AKAP9: variants seen among roughly 807,000 people sequenced by gnomAD.
AKAP9 encodes A-kinase anchoring protein 9.
AKAP9 carries 311 observed loss-of-function variants against 488.5 expected under a neutral mutation model. The observed-to-expected ratio is 0.64, with a 90% CI of 0.58 to 0.70. The LOEUF (loss-of-function observed/expected upper bound fraction) is 0.70. AKAP9 is among the 30% of genes least tolerant of loss of function. The pLI is 0.00. For missense variants in AKAP9, 4,215 were observed against 4,374.5 expected (o/e 0.96, Z 1.03); for synonymous variants, 1,462 against 1,483.5 (o/e 0.99, Z 0.33).
At chr7:92,008,400 A>G (rs987868820) in intron 8 of AKAP9, among the ~76,000 whole-genome samples, 1 of 151,432 alleles carries the variant, frequency 6.6e-6, no homozygotes, top group African/African-American at 2.4e-5. Context: ...TTTCAAGAAT[A>G]TGGGCCAGCG....
intron 22 of AKAP9, 21 bp downstream of exon 22, chr7:92,052,979 A>G (rs1439168191): frequency 1.3e-6 from 2 of 1,563,188 alleles, no homozygotes; most frequent in Non-Finnish European, 1.8e-6. Flanking sequence ...TATATTGCTA[A>G]TATGTACTGA....
At chr7:91,994,869 G>T (rs780903536) in intron 6 of AKAP9, 93 bp downstream of exon 6, 41 of 1,234,134 alleles carry the variant, frequency 3.3e-5, no homozygotes, top group Non-Finnish European at 4.5e-5. Flanking sequence ...TGTTAAAAAA[G>T]CCATTTCGTA....
chr7:92,077,014 A>T lies in AKAP9; in HGVS notation c.6765+7A>T. On this transcript the variant is annotated splice_region_variant and intron_variant, in intron 29 of 49. Transcript: ENST00000356239. ...GGAAAACAAATTATTTAAGGTAATTAGTTAAGAAAAACTTTTATCTGTAAA... is the reference window on the plus strand; with the variant it reads ...GGAAAACAAATTATTTAAGGTAATTTGTTAAGAAAAACTTTTATCTGTAAA... 1 of 1,524,378 alleles carries T rather than the reference A, an allele frequency of 6.6e-7. No homozygotes were observed. Among genetic ancestry groups the T allele is most frequent in the Non-Finnish European group, 8.9e-7 (1 of 1,124,414 alleles). The allele number at this position is 1,524,378 out of a possible 1,614,324, so 94.4% of individuals were successfully genotyped here.
intron 7 of AKAP9, among the ~76,000 whole-genome samples, chr7:92,000,536 A>C (rs1014772194): frequency 6.6e-6 from 1 of 152,234 alleles, no homozygotes; most frequent in Non-Finnish European, 1.5e-5. Context: ...AAGAAAAATG[A>C]AAATGTAACA....
intron 22 of AKAP9, chr7:92,057,530 A>G (rs1808999391): frequency 5.6e-6 from 1 of 179,706 alleles, no homozygotes; most frequent in Non-Finnish European, 1.2e-5. Flanking sequence ...ATTAAACCAC[A>G]CCCTCTGTTC....
rs1186742224 is a variant in AKAP9 at position 92,097,715 on chromosome 7, C to T, written c.10528C>T (p.His3510Tyr). The change falls in exon 42 of 50, where the codon CAT becomes TAT. Residue 3510 changes from histidine (H) to tyrosine (Y), a missense_variant. Coordinates refer to ENST00000356239, the MANE Select transcript of AKAP9 (RefSeq NM_005751.5). The part of the protein sequence containing the change: ...EMNGGGTGCN[H>Y]ELEMIRQKLQ... ...GAATGGAGGAGGAACCGGCTGTAAT[C>T]ATGAATTAGAAATGATCAGACAAAA... The T allele has an allele frequency of 1.2e-6, 2 of 1,614,006 alleles. No homozygotes were observed. Among genetic ancestry groups the T allele is most frequent in the Admixed American group, 1.7e-5 (1 of 59,994 alleles).
rs151197146 is a variant in AKAP9, at chr7:92,031,559, G to A, written c.4293G>A (p.Leu1431=). Residue 1431 remains leucine (L), a synonymous_variant, in exon 16 of 50, where the codon TTG becomes TTA. Transcript: ENST00000356239. ...AAGAGGAAACAAATATCGTTAAGTTGCTTGAAAAACAATACCAAGAACAAT... is the reference window on the plus strand; with the variant it reads ...AAGAGGAAACAAATATCGTTAAGTTACTTGAAAAACAATACCAAGAACAAT... ...GVKEETNIVK[L]LEKQYQEQLE... is the part of the protein sequence containing the mutation. 1.1e-4 allele frequency: 170 copies of A among 1,612,632 alleles called. 1 individual carries two copies. Among genetic ancestry groups the A allele is most frequent in the Non-Finnish European group, 1.3e-4 (158 of 1,179,232 alleles).
chr7:92,028,390 CAGG>C lies in AKAP9; in HGVS notation c.4149-1500_4149-1498del, dbSNP rs539230246. The stretch of plus-strand genomic sequence containing the variant: ...AGATCATAATGACCGGATAGATAAT[CAGG>C]AGGATTTTCTAGGCTGTGAAAGTAA... On this transcript the variant is annotated intron_variant, in intron 14 of 49. Coordinates refer to ENST00000356239, the MANE Select transcript of AKAP9 (RefSeq NM_005751.5). 2.1e-4 allele frequency among the ~76,000 whole-genome samples: 30 copies of C among 145,168 alleles called. No individual in the cohort carries two copies. In the South Asian group the frequency reaches 4.7e-3, roughly 23 times the overall value.
chr7:92,093,771 C>T, intron 39 of AKAP9, among the ~76,000 whole-genome samples: 1 of 152,128 alleles, frequency 6.6e-6, no homozygotes. Context: ...GCTTCACACA[C>T]AAATAGATAT....
intron 21 of AKAP9, among the ~76,000 whole-genome samples, chr7:92,049,873 C>T (rs1334629065): frequency 6.6e-6 from 1 of 152,128 alleles, no homozygotes; most frequent in African/African-American, 2.4e-5. Context: ...TTATAAGTCA[C>T]TTTCACGCAC....
chr7:92,104,783 CT>C (rs1350804909), intron 46 of AKAP9, among the ~76,000 whole-genome samples: 2 of 152,124 alleles, frequency 1.3e-5, no homozygotes, highest in Non-Finnish European at 2.9e-5. Context: ...CCTTCATCAC[CT>C]TGTATAGAGT....
chr7:92,056,909 C>G (rs1455021831), intron 22 of AKAP9, among the ~76,000 whole-genome samples: 1 of 151,716 alleles, frequency 6.6e-6, no homozygotes, highest in Non-Finnish European at 1.5e-5. Flanking sequence ...GGGTTTTTTC[C>G]TTTCTTTAAA....
chr7:91,950,227 CTTT>C (rs1363169233), intron 1 of AKAP9, among the ~76,000 whole-genome samples: 1 of 133,372 alleles, frequency 7.5e-6, no homozygotes, highest in Admixed American at 7.6e-5. Context: ...CAGGGTCTCA[CTTT>C]TTTTTTTTTT....
intron 47 of AKAP9, among the ~76,000 whole-genome samples, chr7:92,106,178 A>G (rs983651856): frequency 1.3e-5 from 2 of 152,256 alleles, no homozygotes; most frequent in Non-Finnish European, 2.9e-5. Flanking sequence ...CTTACCAAGT[A>G]ATGAATTCTG....
intron 3 of AKAP9, among the ~76,000 whole-genome samples, chr7:91,983,244 C>A (rs1367885734): frequency 6.6e-6 from 1 of 152,040 alleles, no homozygotes; most frequent in Non-Finnish European, 1.5e-5. Context: ...ATGTTCCCTG[C>A]CCTGTGTCCA....
At chr7:92,085,451 T>G in intron 35 of AKAP9, 44 bp from the exon 36 acceptor site, 1 of 1,560,688 alleles carries the variant, frequency 6.4e-7, no homozygotes, top group Non-Finnish European at 8.8e-7. Context: ...TTTCAGTCTG[T>G]GAAGAAGTTG....
At chr7:92,098,031 G>T in intron 42 of AKAP9, 78 bp from the exon 43 acceptor site, 1 of 983,334 alleles carries the variant, frequency 1.0e-6, no homozygotes, top group South Asian at 1.4e-5. Flanking sequence ...GTAGAACGTC[G>T]CCTGCTCTGT....
chr7:91,941,133 G>A lies in AKAP9; in HGVS notation c.34G>A (p.Ala12Thr), dbSNP rs1431417772. ...EDEERQKKLE[A>T]GKAKLAQFRQ... is the part of the protein sequence containing the mutation. ...CGAGGAGAGACAGAAGAAGCTGGAG[G>A]CCGGCAAAGCCAAGGTAGGAGAGCC... is the stretch of plus-strand genomic sequence containing the variant. Residue 12 changes from alanine to threonine, a missense_variant, in exon 1 of 50, where the codon GCC (alanine) becomes ACC (threonine). Physicochemically the swap from Ala to Thr is moderately conservative, Grantham distance 58. This residue lies in a region of AKAP9 where 2,361 missense variants were observed against 2,430.0 expected (regional missense o/e 0.97). Transcript: ENST00000356239. 1.3e-5 allele frequency: 21 copies of A among 1,613,992 alleles called. No homozygotes were observed. The highest frequency in any genetic ancestry group is 1.8e-5 in the Non-Finnish European group (21 of 1,179,958).
intron 20 of AKAP9, among the ~76,000 whole-genome samples, chr7:92,044,322 T>C (rs149767297): frequency 4.9e-4 from 75 of 152,198 alleles, no homozygotes; most frequent in African/African-American, 1.8e-3. Context: ...CTTAAATGAG[T>C]GTGGTGAGTG....
Sources: allele counts gnomAD v4.1 joint callset (sites outside exome capture counted in the v4.1 genomes callset), GRCh38; gene constraint gnomAD v4.1.1; regional missense constraint gnomAD v4.1.1; transcripts MANE v1.5; gene names NCBI Gene and HGNC (gene_info 2026-07-23, HGNC 2026-07-21).